STK11IP: variants seen among roughly 807,000 people sequenced by gnomAD.
STK11IP encodes serine/threonine-protein kinase 11-interacting protein.
In STK11IP, 103 loss-of-function variants were observed where a neutral mutation model predicts 131.7. That is an observed-to-expected ratio of 0.78 (90% CI 0.67 to 0.92). STK11IP has a LOEUF of 0.92. Ranked by LOEUF, STK11IP falls within the 40% of genes least tolerant of loss-of-function variation. The pLI is 0.00. For synonymous variants in STK11IP, 557 were observed against 575.6 expected, an observed-to-expected ratio of 0.97 and a Z score of 0.46; for missense variants, 1,315 against 1,385.7, an observed-to-expected ratio of 0.95 and a Z score of 0.81.
Position 219,608,799 on chromosome 2 carries a change from C to T in STK11IP, c.1809+11C>T, listed in dbSNP as rs775754904. The T allele has an allele frequency of 1.1e-5, 17 of 1,584,978 alleles. No homozygotes were observed. The East Asian group carries it at 1.1e-4, about 11-fold the overall frequency. Reference sequence around the variant, plus strand: ...TCGCCCAGGCCCACGGTGAGTGGGGCGTGGCAGGGTCTCTGGAGGAGCCAG... The same window carrying T: ...TCGCCCAGGCCCACGGTGAGTGGGGTGTGGCAGGGTCTCTGGAGGAGCCAG... On this transcript the variant is annotated intron_variant, in intron 15 of 24. Coordinates refer to ENST00000456909, the MANE Select transcript of STK11IP (RefSeq NM_052902.4).
chr2:219,614,885 A>AG (rs1274748012), intron 23 of STK11IP: 6 of 639,812 alleles, frequency 9.4e-6, no homozygotes, highest in African/African-American at 3.7e-5. Flanking sequence ...GGTGTGGGGC[A>AG]GTGGGGGGCG....
chr2:219,601,271 T>G lies in STK11IP; in HGVS notation c.98T>G (p.Leu33Arg), dbSNP rs778296357. 6.2e-7 allele frequency: 1 copy of G among 1,614,028 alleles called. No homozygotes were observed. Among genetic ancestry groups the G allele is most frequent in the Non-Finnish European group, 8.5e-7 (1 of 1,179,880 alleles). ...CTGTCTGGCTGTAGCACCCTGAGCC[T>G]GCTGACTCCCACACTGCAACAGCTG... The part of the protein sequence containing the change: ...VVLSGCSTLS[L>R]LTPTLQQLNH... The change falls in exon 3 of 25, where the codon CTG (leucine) becomes CGG (arginine). Residue 33 changes from leucine (L) to arginine (R), a missense_variant. Transcript: ENST00000456909.
rs1195511534 is a variant in STK11IP, at chr2:219,609,082, C to T, written c.1810-15C>T. 6.4e-7 allele frequency: 1 copy of T among 1,564,258 alleles called. No individual in the cohort carries two copies. Among genetic ancestry groups the T allele is most frequent in the South Asian group, 1.2e-5 (1 of 85,478 alleles). ...CCCCTGCTGTTTTTCACCCGGTCCC[C>T]CTCTTGCTGCGCAGGGCTCAGATCT... On this transcript the variant is annotated splice_polypyrimidine_tract_variant and intron_variant, in intron 15 of 24. Transcript: ENST00000456909.
intron 17 of STK11IP, among the ~76,000 whole-genome samples, chr2:219,610,794 A>G (rs1698371938): frequency 6.6e-6 from 1 of 152,208 alleles, no homozygotes; most frequent in African/African-American, 2.4e-5. Flanking sequence ...TAAATGTGAC[A>G]GTAAGGCACC....
intron 24 of STK11IP, 46 bp from the exon 25 acceptor site, chr2:219,615,998 G>A: frequency 6.2e-7 from 1 of 1,602,890 alleles, no homozygotes; most frequent in Non-Finnish European, 8.5e-7. Flanking sequence ...ACCCACCCTG[G>A]TGTGGTCCCC....
At chr2:219,604,054 C>G (rs748242862) in intron 7 of STK11IP, among the ~76,000 whole-genome samples, 23 of 152,156 alleles carry the variant, frequency 1.5e-4, no homozygotes, top group Non-Finnish European at 2.4e-4. Context: ...AAAAGTTAGG[C>G]TCCTACCTTC....
chr2:219,608,963 G>A, intron 15 of STK11IP, 134 bp from the exon 16 acceptor site: 1 of 1,037,142 alleles, frequency 9.6e-7, no homozygotes, highest in South Asian at 1.6e-5. Flanking sequence ...GGGATTCTGT[G>A]CTGGAGCTTG....
intron 22 of STK11IP, 80 bp from the exon 23 acceptor site, chr2:219,614,396 G>C: frequency 2.6e-6 from 4 of 1,551,934 alleles, no homozygotes; most frequent in Non-Finnish European, 3.5e-6. Context: ...ACCCCCTGCA[G>C]GGCTTTCTTC....
At chr2:219,604,405 G>A (rs528725691) in intron 7 of STK11IP, among the ~76,000 whole-genome samples, 1 of 152,016 alleles carries the variant, frequency 6.6e-6, no homozygotes, top group Non-Finnish European at 1.5e-5. Context: ...TCTAATTCAG[G>A]GAAAGAAGAG....
intron 2 of STK11IP, 121 bp from the exon 3 acceptor site, chr2:219,601,114 C>T (rs1697968477): frequency 4.0e-6 from 3 of 744,696 alleles, no homozygotes; most frequent in Non-Finnish European, 6.5e-6. Context: ...AAAATTTGAT[C>T]CTGCAATAGA....
intron 23 of STK11IP, 44 bp downstream of exon 23, chr2:219,614,590 T>A (rs624773): frequency 1.2e-6 from 2 of 1,602,012 alleles, no homozygotes; most frequent in South Asian, 2.2e-5. Context: ...CTCTGTACCC[T>A]ACCTTGTCAC....
intron 19 of STK11IP, among the ~76,000 whole-genome samples, chr2:219,612,310 C>T (rs1698425315): frequency 6.6e-6 from 1 of 152,154 alleles, no homozygotes; most frequent in South Asian, 2.1e-4. Flanking sequence ...TTGAAGCTGC[C>T]CAGCCCAGCA....
At chr2:219,598,352 T>A in intron 2 of STK11IP, 172 bp downstream of exon 2, 1 of 526,464 alleles carries the variant, frequency 1.9e-6, no homozygotes, top group Non-Finnish European at 3.3e-6. Flanking sequence ...GTCCTTTGCC[T>A]GTGATAGCCT....
chr2:219,602,685 C>G lies in STK11IP; in HGVS notation c.547-20C>G, dbSNP rs1289630859. Reference sequence around the variant, plus strand: ...ATTGTAGTGAACATCGATTCTCTGCCTCCTCCCCGTCTCTCTCAGCGCCTC... The same window carrying G: ...ATTGTAGTGAACATCGATTCTCTGCGTCCTCCCCGTCTCTCTCAGCGCCTC... On this transcript the variant is annotated intron_variant, in intron 6 of 24. Transcript: ENST00000456909. 6.2e-7 allele frequency: 1 copy of G among 1,613,536 alleles called. No homozygotes were observed. Among genetic ancestry groups the G allele is most frequent in the South Asian group, 1.1e-5 (1 of 91,044 alleles).
chr2:219,614,686 C>A, intron 23 of STK11IP, 140 bp downstream of exon 23: 2 of 898,522 alleles, frequency 2.2e-6, no homozygotes, highest in Non-Finnish European at 3.6e-6. Context: ...CACTTGAGGG[C>A]ATAGCTGAGT....
chr2:219,613,849 G>A lies in STK11IP; in HGVS notation c.2635G>A (p.Glu879Lys). The change falls in exon 21 of 25, where the codon GAG becomes AAG. Residue 879 changes from glutamate (E) to lysine (K), a missense_variant. By Grantham distance (56) the Glu-to-Lys change is moderately conservative. Transcript: ENST00000456909. ...LGLAGQSLRL[E>K]WAAGAGRCVL... is the part of the protein sequence containing the mutation. ...CCTGGCAGGCCAGAGCCTGCGGCTA[G>A]AGTGGGCAGCTGGGGCGGGCCGCTG... 1.2e-6 allele frequency: 2 copies of A among 1,612,218 alleles called. No homozygotes were observed. The highest frequency in any genetic ancestry group is 3.3e-5 in the Admixed American group (2 of 59,986).
Position 219,608,167 on chromosome 2 carries a change from C to T in STK11IP, c.1340C>T (p.Thr447Ile), listed in dbSNP as rs1040530191. The T allele has an allele frequency of 2.5e-6, 4 of 1,613,542 alleles. No individual in the cohort carries two copies. Among genetic ancestry groups the T allele is most frequent in the South Asian group, 1.1e-5 (1 of 91,084 alleles). Residue 447 changes from threonine to isoleucine, a missense_variant, in exon 14 of 25, where the codon ACC (threonine) becomes ATC (isoleucine). Thr to Ile is a moderately conservative substitution (Grantham distance 89, BLOSUM62 -1). Transcript: ENST00000456909. ...LEPSGNPLPATPTTSAPSAPP... is the reference protein window; with the variant it reads ...LEPSGNPLPAIPTTSAPSAPP... ...CCCTCCGGAAACCCTCTGCCGGCCA[C>T]CCCCACTACTTCTGCACCCAGTGCA...
intron 7 of STK11IP, among the ~76,000 whole-genome samples, chr2:219,603,648 G>T (rs1698062482): frequency 6.6e-6 from 1 of 151,788 alleles, no homozygotes; most frequent in South Asian, 2.1e-4. Flanking sequence ...AGTCTCCCGA[G>T]TAGCTGGGAT....
Position 219,616,149 on chromosome 2 carries a change from G to A in STK11IP, c.3223G>A (p.Gly1075Arg), listed in dbSNP as rs766821244. The A allele has an allele frequency of 2.4e-5, 38 of 1,613,596 alleles. No individual in the cohort carries two copies. The highest frequency in any genetic ancestry group is 3.1e-5 in the Non-Finnish European group (36 of 1,179,878). Reference sequence around the variant, plus strand: ...ACCATGGGAGGAGCTGTTTTCCATCGGACTCCGGACAGTGATCCAAGAGGC... The same window carrying A: ...ACCATGGGAGGAGCTGTTTTCCATCAGACTCCGGACAGTGATCCAAGAGGC... The part of the protein sequence containing the change: ...REPWEELFSI[G>R]LRTVIQEALA... The change falls in exon 25 of 25, where the codon GGA (glycine) becomes AGA (arginine). Residue 1075 changes from glycine (G) to arginine (R), a missense_variant. By Grantham distance (125) the Gly-to-Arg change is moderately radical. Coordinates refer to ENST00000456909, the MANE Select transcript of STK11IP (RefSeq NM_052902.4).
Sources: gnomAD v4.1 joint callset for allele counts (sites outside exome capture counted in the v4.1 genomes callset) on GRCh38, gnomAD v4.1.1 for gene constraint, MANE v1.5 for transcripts, NCBI Gene and HGNC (gene_info 2026-07-23, HGNC 2026-07-21) for gene names.